Variants in DRC3 observed in about 807,000 individuals in gnomAD.
DRC3 encodes the protein dynein regulatory complex subunit 3, also known as leucine rich repeat containing 48.
Under a neutral mutation model 57.6 loss-of-function variants are expected in DRC3, and 45 were observed. That is an observed-to-expected ratio of 0.78 (90% CI 0.62 to 1.00). DRC3 has a LOEUF of 1.00. DRC3 is among the 50% of genes least tolerant of loss of function. DRC3 has a pLI of 0.00. For synonymous variants in DRC3, 257 were observed against 272.3 expected, an observed-to-expected ratio of 0.94 and a Z score of 0.55; for missense variants, 655 against 675.2, an observed-to-expected ratio of 0.97 and a Z score of 0.33.
intron 12 of DRC3, among the ~76,000 whole-genome samples, chr17:18,014,309 C>G (rs973171272): frequency 2.0e-5 from 3 of 152,306 alleles, no homozygotes; most frequent in African/African-American, 7.2e-5. Context: ...AGGGCAACAG[C>G]TCAAAAAAGA....
At chr17:17,978,953 C>T (rs995025391) in intron 3 of DRC3, among the ~76,000 whole-genome samples, 3 of 151,766 alleles carry the variant, frequency 2.0e-5, no homozygotes, top group Non-Finnish European at 4.4e-5. Context: ...TGATGGGGGA[C>T]AATTAAATAA....
chr17:18,010,766 G>A (rs1470540981), intron 12 of DRC3: 3 of 258,708 alleles, frequency 1.2e-5, no homozygotes, highest in Non-Finnish European at 2.3e-5. Flanking sequence ...CTGAGGCTGC[G>A]GGGAGCTCTC....
At chr17:18,007,815 C>A in intron 12 of DRC3, 1 of 1,028,462 alleles carries the variant, frequency 9.7e-7, no homozygotes, top group Non-Finnish European at 1.2e-6. Context: ...TTAGTGCATG[C>A]ATCATTCACT....
intron 12 of DRC3, among the ~76,000 whole-genome samples, chr17:18,013,692 C>T (rs984815763): frequency 1.3e-5 from 2 of 152,132 alleles, no homozygotes; most frequent in Non-Finnish European, 1.5e-5. Context: ...TACCAAATTA[C>T]AGCTAGATAG....
Position 17,992,820 on chromosome 17 carries a change from C to T in DRC3, c.500C>T (p.Pro167Leu). 2.5e-6 allele frequency: 4 copies of T among 1,613,936 alleles called. No homozygotes were observed. The highest frequency in any genetic ancestry group is 3.4e-6 in the Non-Finnish European group (4 of 1,179,850). The change falls in exon 6 of 14, where the codon CCT becomes CTT. Residue 167 changes from proline (P) to leucine (L), a missense_variant. Pro to Leu is a moderately conservative substitution (Grantham distance 98). Coordinates refer to ENST00000399187, the MANE Select transcript of DRC3 (RefSeq NM_031294.4). Reference sequence around the variant, plus strand: ...CGGACGCTCAGCCTCTCTAGGAACCCTATCTCTGAGGCAGAGGATTACAAG... The same window carrying T: ...CGGACGCTCAGCCTCTCTAGGAACCTTATCTCTGAGGCAGAGGATTACAAG... ...CLRTLSLSRN[P>L]ISEAEDYKMF...
intron 9 of DRC3, among the ~76,000 whole-genome samples, chr17:17,999,528 C>T (rs975997903): frequency 6.6e-6 from 1 of 152,198 alleles, no homozygotes; most frequent in South Asian, 2.1e-4. Flanking sequence ...TTTTCCTACG[C>T]TCCTCCCACT....
At chr17:18,013,696 T>C (rs2044250070) in intron 12 of DRC3, among the ~76,000 whole-genome samples, 1 of 152,116 alleles carries the variant, frequency 6.6e-6, no homozygotes, top group South Asian at 2.1e-4. Flanking sequence ...AAATTACAGC[T>C]AGATAGGGGG....
At chr17:17,996,296 G>A (rs1197661813) in intron 8 of DRC3, among the ~76,000 whole-genome samples, 3 of 152,224 alleles carry the variant, frequency 2.0e-5, no homozygotes, top group Non-Finnish European at 4.4e-5. Flanking sequence ...GATTACAGGC[G>A]TGAGCCACCG....
chr17:17,988,219 GGAAAA>G, intron 5 of DRC3, 121 bp downstream of exon 5: 1 of 1,061,378 alleles, frequency 9.4e-7, no homozygotes, highest in Non-Finnish European at 1.3e-6. Flanking sequence ...TCATTTTCCT[GGAAAA>G]GCCAGGAATC....
At position 17,972,974 on chromosome 17, in the gene DRC3, G is replaced by A. The variant is rs2042196305; in HGVS notation, c.-129G>A. The A allele has an allele frequency of 6.6e-6, 1 of 152,390 alleles. No homozygotes were observed. Among genetic ancestry groups the A allele is most frequent in the South Asian group, 2.0e-4 (1 of 5,072 alleles). 9.4% of individuals were successfully genotyped at this position (152,390 alleles called of 1,614,324 possible). A position where few individuals can be genotyped will look rare whatever the true frequency, so the allele number is the denominator to read the frequency against. On this transcript the variant is annotated splice_region_variant and 5_prime_UTR_variant, in exon 1 of 14. Coordinates refer to ENST00000399187, the MANE Select transcript of DRC3 (RefSeq NM_031294.4). ...CCGCCGAGTTCCCAGCGCTTGAGAA[G>A]GTGAGACCTGGGAGCTGAGGCTCCC...
At chr17:17,984,025 T>C (rs2042838872) in intron 4 of DRC3, 81 bp downstream of exon 4, 3 of 873,968 alleles carry the variant, frequency 3.4e-6, no homozygotes, top group Non-Finnish European at 3.7e-6. Flanking sequence ...GAGACAATAA[T>C]TGTGTGCGAC....
At chr17:17,992,623 G>C (rs1031555480) in intron 5 of DRC3, 142 bp from the exon 6 acceptor site, 36 of 862,456 alleles carry the variant, frequency 4.2e-5, no homozygotes, top group Non-Finnish European at 5.8e-5. Context: ...CCCCACGCCT[G>C]CACACTGCCT....
chr17:18,010,462 G>GA (rs936486780), intron 12 of DRC3, among the ~76,000 whole-genome samples: 8 of 151,860 alleles, frequency 5.3e-5, no homozygotes, highest in Non-Finnish European at 8.8e-5. Flanking sequence ...CGCAGAAATA[G>GA]AAAAAAAATC....
chr17:17,990,793 A>G (rs2043191589), intron 5 of DRC3, among the ~76,000 whole-genome samples: 1 of 152,208 alleles, frequency 6.6e-6, no homozygotes, highest in Non-Finnish European at 1.5e-5. Flanking sequence ...GGAATTCGAG[A>G]TAAGCTTGGC....
Position 17,977,589 on chromosome 17 carries a change from G to T in DRC3, c.-10G>T. ...GAATGCGGTGTTTTTTAGGGAAAAC[G>T]TGGGGGAAGATGAACCAGCCGTGCA... On this transcript the variant is annotated 5_prime_UTR_variant, in exon 3 of 14. Transcript: ENST00000399187. The T allele has an allele frequency of 6.2e-7, 1 of 1,613,944 alleles. No individual in the cohort carries two copies.
chr17:18,006,952 C>CCCG (rs2145424879), intron 11 of DRC3, 72 bp from the exon 12 acceptor site: 5 of 1,593,882 alleles, frequency 3.1e-6, no homozygotes, highest in Admixed American at 1.7e-5. Context: ...AAGTCTGTCT[C>CCCG]CCGCCGTCTG....
chr17:17,989,769 G>A (rs2043140767), intron 5 of DRC3, among the ~76,000 whole-genome samples: 1 of 152,214 alleles, frequency 6.6e-6, no homozygotes. Context: ...GGAGACCCCA[G>A]GGGGATTAAC....
intron 12 of DRC3, among the ~76,000 whole-genome samples, chr17:18,011,976 C>T (rs1182296106): frequency 6.6e-6 from 1 of 152,234 alleles, no homozygotes; most frequent in African/African-American, 2.4e-5. Context: ...GCGCACACCA[C>T]CATGCCTGGT....
chr17:17,977,643 T>C lies in DRC3; in HGVS notation c.45T>C (p.Asp15=), dbSNP rs2042450264. 6.2e-7 allele frequency: 1 copy of C among 1,613,892 alleles called. No individual in the cohort carries two copies. Among genetic ancestry groups the C allele is most frequent in the African/African-American group, 1.3e-5 (1 of 74,998 alleles). The change falls in exon 3 of 14, where the codon GAT becomes GAC. Residue 15 remains aspartate (D), a synonymous_variant. Transcript: ENST00000399187. ...CNSMEPRVMD[D]DMLKLAVGDQ... ...CGATGGAGCCGAGGGTGATGGACGA[T>C]GACATGCTCAAGCTGGCCGTCGGGG...
Sources: allele counts gnomAD v4.1 joint callset (sites outside exome capture counted in the v4.1 genomes callset), GRCh38; gene constraint gnomAD v4.1.1; transcripts MANE v1.5; gene names NCBI Gene and HGNC (gene_info 2026-07-23, HGNC 2026-07-21).